IQSEC1: variants seen among roughly 807,000 people sequenced by gnomAD.
The protein encoded by IQSEC1 is IQ motif and Sec7 domain ArfGEF 1.
Under a neutral mutation model 91.0 loss-of-function variants are expected in IQSEC1, and 31 were observed. The observed-to-expected ratio is 0.34, with a 90% CI of 0.26 to 0.46. The LOEUF is 0.46. Ranked by LOEUF, IQSEC1 falls within the 20% of genes least tolerant of loss-of-function variation. The pLI is 1.00. For missense variants in IQSEC1, 1,388 were observed against 1,575.6 expected (o/e 0.88, Z 2.02); for synonymous variants, 699 against 662.6 (o/e 1.05, Z -0.84).
At chr3:13,025,655 C>A (rs1465424648) in intron 1 of IQSEC1, among the ~76,000 whole-genome samples, 2 of 152,186 alleles carry the variant, frequency 1.3e-5, no homozygotes, top group Non-Finnish European at 2.9e-5. Context: ...CTAATTTCTG[C>A]CTCTGGCTTA....
At chr3:13,236,933 C>T (rs1429505730) in intron 1 of IQSEC1, among the ~76,000 whole-genome samples, 3 of 152,186 alleles carry the variant, frequency 2.0e-5, no homozygotes. Context: ...GGCTGCTCTG[C>T]TTGTCTGAGG....
rs74638238 is a variant in IQSEC1, at chr3:13,143,238, A to T, written c.302+20866T>A. 8.5e-5 allele frequency among the ~76,000 whole-genome samples: 13 copies of T among 152,338 alleles called. No individual in the cohort carries two copies. The East Asian group carries it at 2.5e-3, about 29-fold the overall frequency. The stretch of plus-strand genomic sequence containing the variant: ...TCAGTGCATGCTTGTTGACTGAGTA[A>T]CTGATGGCACCAGGAGAAGGAGCAG... On this transcript the variant is annotated intron_variant, in intron 2 of 15. Transcript: ENST00000648114.
rs947070883 is a variant in IQSEC1, at chr3:12,912,353, C to T, written c.2317-625G>A. 4.6e-5 allele frequency among the ~76,000 whole-genome samples: 7 copies of T among 152,202 alleles called. 1 individual carries two copies. The highest frequency in any genetic ancestry group is 3.9e-4 in the Admixed American group (6 of 15,284). On this transcript the variant is annotated intron_variant, in intron 9 of 13. Coordinates refer to ENST00000613206, the MANE Select transcript of IQSEC1 (RefSeq NM_001134382.3). ...CCATGTAAGGTCTTACGTCCAGGAC[C>T]TCACTGGACCCCTGCCACCTTCTGA... is the stretch of plus-strand genomic sequence containing the variant.
intron 2 of IQSEC1, among the ~76,000 whole-genome samples, chr3:13,088,701 C>G (rs1048072434): frequency 1.3e-5 from 2 of 151,764 alleles, no homozygotes; most frequent in Admixed American, 6.5e-5. Context: ...CCCTGCTTTA[C>G]CCCCTGGGCC....
At chr3:13,237,091 G>A (rs77057087) in intron 1 of IQSEC1, among the ~76,000 whole-genome samples, 11 of 152,308 alleles carry the variant, frequency 7.2e-5, no homozygotes, top group South Asian at 2.1e-4. Flanking sequence ...GTCTCCCTCC[G>A]CCTCCCAGAA....
intron 1 of IQSEC1, among the ~76,000 whole-genome samples, chr3:12,942,733 G>T (rs919219173): frequency 1.3e-5 from 2 of 152,232 alleles, no homozygotes; most frequent in Admixed American, 6.5e-5. Flanking sequence ...TTGAAGCCCT[G>T]GCCCCCACCT....
At chr3:13,235,143 G>A (rs1694905858) in intron 1 of IQSEC1, among the ~76,000 whole-genome samples, 1 of 152,192 alleles carries the variant, frequency 6.6e-6, no homozygotes, top group Non-Finnish European at 1.5e-5. Context: ...ACCCAGAAAA[G>A]GATTAAAAGG....
Position 13,148,950 on chromosome 3 carries a change from C to T in IQSEC1, c.302+15154G>A, listed in dbSNP as rs185260826. On this transcript the variant is annotated intron_variant, in intron 2 of 15. Transcript: ENST00000648114. ...AGGCTACAGGGAAGGGAGAGGTGGC[C>T]GAGGCTCGGACCCTGGCAAGAGCTG... Among the ~76,000 whole-genome samples the T allele has an allele frequency of 3.9e-5, 6 of 152,352 alleles. 1 individual carries two copies. Among genetic ancestry groups the T allele is most frequent in the South Asian group, 4.1e-4 (2 of 4,830 alleles).
intron 2 of IQSEC1, among the ~76,000 whole-genome samples, chr3:13,121,437 G>A (rs1002302346): frequency 5.9e-5 from 9 of 152,138 alleles, no homozygotes; most frequent in Non-Finnish European, 1.0e-4. Flanking sequence ...ACAGCGGCTC[G>A]GTGGTTATCT....
chr3:12,997,574 C>T (rs1238679852), intron 1 of IQSEC1, among the ~76,000 whole-genome samples: 1 of 152,140 alleles, frequency 6.6e-6, no homozygotes, highest in Non-Finnish European at 1.5e-5. Flanking sequence ...ATAGAGTGTT[C>T]TTACACAACC....
intron 1 of IQSEC1, among the ~76,000 whole-genome samples, chr3:13,272,661 CT>C (rs1695609342): frequency 6.6e-6 from 1 of 152,180 alleles, no homozygotes; most frequent in South Asian, 2.1e-4. Flanking sequence ...CCGGCAACTG[CT>C]GAGCTGGGTA....
At chr3:13,129,019 C>A (rs1706564245) in intron 2 of IQSEC1, among the ~76,000 whole-genome samples, 1 of 151,922 alleles carries the variant, frequency 6.6e-6, no homozygotes, top group South Asian at 2.1e-4. Context: ...GAAATATTCT[C>A]TCCTTTTCAA....
chr3:13,249,606 AGTTCGAATACCAGCTTGG>A (rs1262894926), intron 1 of IQSEC1, among the ~76,000 whole-genome samples: 17 of 152,112 alleles, frequency 1.1e-4, no homozygotes, highest in Non-Finnish European at 2.4e-4. Context: ...GCTGTTATGG[AGTTCGAATACCAGCTTGG>A]GTTCGAATAC....
At chr3:13,195,480 C>G (rs11713527) in intron 1 of IQSEC1, among the ~76,000 whole-genome samples, 12,583 of 152,238 alleles carry the variant, frequency 0.083, 675 homozygotes, top group African/African-American at 0.15. Context: ...TAACTGTACT[C>G]AAATGCACTT....
chr3:13,114,235 A>G (rs1003078332), intron 2 of IQSEC1, among the ~76,000 whole-genome samples: 3 of 152,102 alleles, frequency 2.0e-5, no homozygotes, highest in African/African-American at 7.2e-5. Flanking sequence ...GTGGGGATAC[A>G]GAATTGGTGG....
intron 1 of IQSEC1, among the ~76,000 whole-genome samples, chr3:13,058,932 G>A (rs1246711139): frequency 6.6e-6 from 1 of 152,126 alleles, no homozygotes; most frequent in South Asian, 2.1e-4. Flanking sequence ...GGCGGACAGC[G>A]CTGCCCTCAG....
chr3:13,088,975 G>A (rs1027415111), intron 2 of IQSEC1, among the ~76,000 whole-genome samples: 1 of 152,252 alleles, frequency 6.6e-6, no homozygotes, highest in Non-Finnish European at 1.5e-5. Flanking sequence ...GCAGCAGTGG[G>A]AGCCCCTCTG....
intron 2 of IQSEC1, among the ~76,000 whole-genome samples, chr3:13,082,517 G>A (rs1705661920): frequency 6.6e-6 from 1 of 152,194 alleles, no homozygotes; most frequent in South Asian, 2.1e-4. Context: ...AGCACTGCAT[G>A]GCCATAGGGC....
chr3:13,160,718 A>T (rs560252587), intron 2 of IQSEC1, among the ~76,000 whole-genome samples: 1 of 152,326 alleles, frequency 6.6e-6, no homozygotes, highest in Admixed American at 6.5e-5. Flanking sequence ...TCAAACACAC[A>T]TGAACATGTG....
Sources: gnomAD v4.1 joint callset for allele counts (sites outside exome capture counted in the v4.1 genomes callset) on GRCh38, gnomAD v4.1.1 for gene constraint, MANE v1.5 for transcripts, NCBI Gene and HGNC (gene_info 2026-07-23, HGNC 2026-07-21) for gene names.